The following PDHX variants were observed in gnomAD, a reference collection of about 807,000 sequenced individuals.
PDHX encodes the protein pyruvate dehydrogenase protein X component, mitochondrial.
A neutral mutation model predicts 55.3 loss-of-function variants in PDHX; 33 were observed. The observed-to-expected ratio is 0.60, with a 90% confidence interval of 0.45 to 0.80. PDHX has a LOEUF of 0.80. Among genes scored for constraint, PDHX ranks in the 30% least tolerant of loss-of-function variants. The pLI is 0.00. For missense variants in PDHX, 622 were observed against 619.9 expected (o/e 1.00, Z -0.04); for synonymous variants, 226 against 219.4 (o/e 1.03, Z -0.27).
intron 5 of PDHX, among the ~76,000 whole-genome samples, chr11:34,964,452 A>C (rs1469794100): frequency 6.6e-6 from 1 of 152,072 alleles, no homozygotes; most frequent in Non-Finnish European, 1.5e-5. Context: ...AAAAATATAA[A>C]AATTAGCCAG....
intron 7 of PDHX, among the ~76,000 whole-genome samples, chr11:34,977,326 A>G (rs1590763568): frequency 1.3e-5 from 2 of 152,166 alleles, no homozygotes; most frequent in East Asian, 3.8e-4. Flanking sequence ...ACACTGTTAT[A>G]CCCAGTGGCA....
intron 1 of PDHX, among the ~76,000 whole-genome samples, chr11:34,922,757 C>A (rs1464413415): frequency 6.6e-6 from 1 of 151,810 alleles, no homozygotes; most frequent in Non-Finnish European, 1.5e-5. Flanking sequence ...ATTGACTTCT[C>A]CTATCTGTAA....
intron 5 of PDHX, among the ~76,000 whole-genome samples, chr11:34,960,807 A>G (rs909737550): frequency 1.3e-5 from 2 of 152,244 alleles, no homozygotes; most frequent in Non-Finnish European, 2.9e-5. Context: ...AACTTTATAC[A>G]GTATTAAATA....
At chr11:34,963,441 T>C (rs1855062477) in intron 5 of PDHX, among the ~76,000 whole-genome samples, 1 of 152,098 alleles carries the variant, frequency 6.6e-6, no homozygotes, top group African/African-American at 2.4e-5. Context: ...CATGCCTGGC[T>C]AAATTTTTAA....
chr11:34,984,889 A>G lies in PDHX; in HGVS notation c.1182+161A>G, dbSNP rs376825689. 362 of 684,254 alleles carry G rather than the reference A, an allele frequency of 5.3e-4. No homozygotes were observed. In the African/African-American group the frequency reaches 5.6e-3, roughly 11 times the overall value. 42.4% of individuals were successfully genotyped at this position (684,254 alleles called of 1,614,324 possible). On this transcript the variant is annotated intron_variant, in intron 9 of 10. Transcript: ENST00000227868. ...GATTGTCACATATATATAGGTTTTT[A>G]AAGTTTTTATCCAAGTATGACCCAT...
intron 8 of PDHX, among the ~76,000 whole-genome samples, chr11:34,980,062 G>T: frequency 6.8e-6 from 1 of 146,850 alleles, no homozygotes; most frequent in Non-Finnish European, 1.5e-5. Flanking sequence ...TTAATTTTCA[G>T]CTTTTTTAAA....
intron 2 of PDHX, among the ~76,000 whole-genome samples, chr11:34,941,145 A>G (rs1854466258): frequency 6.6e-6 from 1 of 152,302 alleles, no homozygotes; most frequent in Non-Finnish European, 1.5e-5. Context: ...TCTCCTACTC[A>G]TGCCTTCACC....
intron 2 of PDHX, among the ~76,000 whole-genome samples, chr11:34,938,628 T>C (rs12274383): frequency 0.19 from 28,696 of 152,174 alleles, 3,898 homozygotes; most frequent in African/African-American, 0.39. Context: ...TTTAAAAAGA[T>C]TAACTTTCTT....
intron 10 of PDHX, 77 bp from the exon 11 acceptor site, chr11:34,994,837 T>C (rs1590777130): frequency 6.5e-7 from 1 of 1,541,982 alleles, no homozygotes; most frequent in Non-Finnish European, 9.0e-7. Flanking sequence ...TAGTAAAATA[T>C]ATAAAATATG....
intron 9 of PDHX, among the ~76,000 whole-genome samples, chr11:34,986,323 AAAAG>A (rs1183286923): frequency 3.6e-5 from 1 of 27,534 alleles, no homozygotes; most frequent in Non-Finnish European, 1.7e-4. Context: ...AAAAAAAAAA[AAAAG>A]AAAGGTAGCG....
At chr11:34,940,501 A>G (rs1010819659) in intron 2 of PDHX, among the ~76,000 whole-genome samples, 1 of 152,224 alleles carries the variant, frequency 6.6e-6, no homozygotes, top group African/African-American at 2.4e-5. Context: ...AAAATTTTGA[A>G]AAGTCCATTT....
chr11:34,919,329 TTTA>T (rs1853817252), intron 1 of PDHX, among the ~76,000 whole-genome samples: 1 of 152,194 alleles, frequency 6.6e-6, no homozygotes, highest in Non-Finnish European at 1.5e-5. Context: ...AAACTGTAGT[TTTA>T]TAAAACTAAA....
At chr11:34,958,310 G>A (rs185493435) in intron 4 of PDHX, among the ~76,000 whole-genome samples, 19 of 152,002 alleles carry the variant, frequency 1.2e-4, no homozygotes, top group Admixed American at 2.6e-4. Flanking sequence ...GGGGGCGTGC[G>A]GAGGTGGGTG....
At chr11:34,956,910 G>A (rs1287394429) in intron 3 of PDHX, among the ~76,000 whole-genome samples, 1 of 152,198 alleles carries the variant, frequency 6.6e-6, no homozygotes, top group African/African-American at 2.4e-5. Context: ...TAAGTTTACT[G>A]AAAAGATTCT....
chr11:34,946,539 C>A (rs1005310719), intron 2 of PDHX, among the ~76,000 whole-genome samples: 1 of 152,150 alleles, frequency 6.6e-6, no homozygotes, highest in Non-Finnish European at 1.5e-5. Flanking sequence ...CCTACGCAGT[C>A]CCCCCTCGAT....
At chr11:34,981,370 T>A (rs1047942326) in intron 8 of PDHX, among the ~76,000 whole-genome samples, 87 of 152,278 alleles carry the variant, frequency 5.7e-4, no homozygotes, top group Non-Finnish European at 1.1e-3. Context: ...ATGGTGTATA[T>A]GTGCCACATT....
At chr11:34,937,360 A>C (rs955662176) in intron 2 of PDHX, among the ~76,000 whole-genome samples, 2 of 151,710 alleles carry the variant, frequency 1.3e-5, no homozygotes, top group African/African-American at 4.9e-5. Context: ...GAAATCACCA[A>C]GTGTCCCCAC....
chr11:34,977,142 C>T (rs1855396445), intron 7 of PDHX, among the ~76,000 whole-genome samples: 1 of 152,092 alleles, frequency 6.6e-6, no homozygotes, highest in South Asian at 2.1e-4. Context: ...TTCATCTAAT[C>T]CCTTTCTGTA....
At position 34,933,058 on chromosome 11, in the gene PDHX, A is replaced by G. The variant is rs545216936; in HGVS notation, c.241+1574A>G. On this transcript the variant is annotated intron_variant, in intron 2 of 10. Coordinates refer to ENST00000227868, the MANE Select transcript of PDHX (RefSeq NM_003477.3). ...AGGATAAAATAAAACTTTAAAAACA[A>G]CAATAGTTGGTTATCTACAGAGTAA... is the stretch of plus-strand genomic sequence containing the variant. Among the ~76,000 whole-genome samples, 16 of 152,346 alleles carry G rather than the reference A, an allele frequency of 1.1e-4. No homozygotes were observed. The East Asian group carries it at 2.9e-3, about 28-fold the overall frequency.
Sources: gnomAD v4.1 joint callset for allele counts (sites outside exome capture counted in the v4.1 genomes callset) on GRCh38, gnomAD v4.1.1 for gene constraint, MANE v1.5 for transcripts, NCBI Gene and HGNC (gene_info 2026-07-23, HGNC 2026-07-21) for gene names.